Variants in VPS13B observed in about 807,000 individuals in gnomAD.
VPS13B encodes the protein intermembrane lipid transfer protein VPS13B.
VPS13B carries 285 observed loss-of-function variants against 426.4 expected under a neutral mutation model. That is an observed-to-expected ratio of 0.67 (90% CI 0.61 to 0.74). The LOEUF (loss-of-function observed/expected upper bound fraction) is 0.74. Among genes scored for constraint, VPS13B ranks in the 30% least tolerant of loss-of-function variants. The pLI is 0.00. For synonymous variants in VPS13B, 1,676 were observed against 1,676.4 expected (o/e 1.00, Z 0.01); for missense variants, 4,537 against 4,782.6 (o/e 0.95, Z 1.51).
chr8:99,854,381 C>T, intron 56 of VPS13B, 125 bp downstream of exon 56: 2 of 1,076,858 alleles, frequency 1.9e-6, no homozygotes, highest in Non-Finnish European at 2.7e-6. Context: ...CTGAGCTCTA[C>T]AGTTACACAG....
chr8:99,260,472 T>C (rs1563632576), intron 17 of VPS13B, among the ~76,000 whole-genome samples: 1 of 152,096 alleles, frequency 6.6e-6, no homozygotes, highest in Non-Finnish European at 1.5e-5. Context: ...AATAAATAAA[T>C]GGCATGATCT....
intron 17 of VPS13B, among the ~76,000 whole-genome samples, chr8:99,209,169 C>T (rs1397561325): frequency 7.9e-5 from 12 of 151,574 alleles, no homozygotes; most frequent in Admixed American, 7.9e-4. Flanking sequence ...GTCCCAGCTA[C>T]TTGGGAGGCT....
chr8:99,516,832 G>A (rs1469903333), intron 29 of VPS13B, among the ~76,000 whole-genome samples: 1 of 124,622 alleles, frequency 8.0e-6, no homozygotes, highest in Non-Finnish European at 1.7e-5. Context: ...TATGTAAGTT[G>A]TTTTAATAAG....
intron 52 of VPS13B, 60 bp downstream of exon 52, chr8:99,832,712 A>G: frequency 4.5e-6 from 7 of 1,556,762 alleles, no homozygotes; most frequent in African/African-American, 1.4e-5. Context: ...CTGTTCATCT[A>G]GATGCCAAGA....
intron 39 of VPS13B, among the ~76,000 whole-genome samples, chr8:99,730,684 C>T (rs997041298): frequency 4.6e-5 from 7 of 151,400 alleles, no homozygotes; most frequent in Non-Finnish European, 1.0e-4. Flanking sequence ...CCTGTAGGTA[C>T]AGGTACAGGT....
At chr8:99,350,993 G>C (rs993473753) in intron 19 of VPS13B, among the ~76,000 whole-genome samples, 1 of 151,908 alleles carries the variant, frequency 6.6e-6, no homozygotes, top group African/African-American at 2.4e-5. Context: ...AATTATTTCA[G>C]TATTTTTAGA....
At chr8:99,279,127 C>T (rs1160919226) in intron 19 of VPS13B, among the ~76,000 whole-genome samples, 1 of 152,050 alleles carries the variant, frequency 6.6e-6, no homozygotes, top group Non-Finnish European at 1.5e-5. Flanking sequence ...AATCCCAGCA[C>T]TTTGGGAGGG....
At chr8:99,358,005 C>CAT (rs1275169670) in intron 19 of VPS13B, among the ~76,000 whole-genome samples, 1 of 123,402 alleles carries the variant, frequency 8.1e-6, no homozygotes, top group Non-Finnish European at 1.6e-5. Context: ...TTAAATATCA[C>CAT]ACACACACAC....
At chr8:99,472,825 A>T (rs978754295) in intron 24 of VPS13B, among the ~76,000 whole-genome samples, 1 of 152,018 alleles carries the variant, frequency 6.6e-6, no homozygotes, top group African/African-American at 2.4e-5. Flanking sequence ...GCAAACTACT[A>T]ATATCATGAA....
intron 33 of VPS13B, among the ~76,000 whole-genome samples, chr8:99,640,106 GAA>G (rs1273578453): frequency 7.0e-5 from 10 of 142,032 alleles, no homozygotes; most frequent in African/African-American, 1.6e-4. Flanking sequence ...GAAAAGAAAA[GAA>G]AAGAAGAAGA....
At chr8:99,836,251 C>T (rs1214472946) in intron 54 of VPS13B, among the ~76,000 whole-genome samples, 3 of 152,110 alleles carry the variant, frequency 2.0e-5, no homozygotes, top group East Asian at 1.9e-4. Context: ...TTGAAAATGG[C>T]ATAAGAACTT....
chr8:99,234,004 C>T (rs552492499), intron 17 of VPS13B: 3 of 775,376 alleles, frequency 3.9e-6, no homozygotes, highest in African/African-American at 3.4e-5. Flanking sequence ...TCACTATGGT[C>T]AAGCCCTCCT....
rs1283016082 is a variant in VPS13B at position 99,418,507 on chromosome 8, CTTT to C, written c.3083-13029_3083-13027del. Among the ~76,000 whole-genome samples the C allele has an allele frequency of 4.1e-3, 517 of 126,202 alleles. 4 individuals are homozygous for C. The highest frequency in any genetic ancestry group is 6.5e-3 in the Non-Finnish European group (380 of 58,510). 82.8% of individuals were successfully genotyped at this position (126,202 alleles called of 152,430 possible). ...TCTTTCTTTCTTTCTTTCTTTCTTT[CTTT>C]CTTTCCTTTCTTTCTTTCTCTTTCT... On this transcript the variant is annotated intron_variant, in intron 21 of 61. Coordinates refer to ENST00000357162, the MANE Select transcript of VPS13B (RefSeq NM_152564.5).
chr8:99,808,508 C>CAAAAA (rs758638504), intron 43 of VPS13B, among the ~76,000 whole-genome samples: 1 of 64,964 alleles, frequency 1.5e-5, no homozygotes, highest in East Asian at 5.0e-4. Context: ...GAGCGAGACT[C>CAAAAA]AAAAAAAAAA....
chr8:99,336,657 A>T (rs896427525), intron 19 of VPS13B, among the ~76,000 whole-genome samples: 2 of 152,210 alleles, frequency 1.3e-5, no homozygotes, highest in African/African-American at 4.8e-5. Context: ...AACTCAAACA[A>T]ATTTACAAGA....
intron 33 of VPS13B, among the ~76,000 whole-genome samples, chr8:99,606,629 CTTTTTTT>C (rs111334743): frequency 1.8e-3 from 193 of 105,834 alleles, no homozygotes; most frequent in African/African-American, 5.7e-3. Context: ...TTTTTCTTTT[CTTTTTTT>C]TTTTTTTTTT....
intron 51 of VPS13B, among the ~76,000 whole-genome samples, chr8:99,827,252 T>G (rs779554020): frequency 1.2e-4 from 19 of 152,210 alleles, no homozygotes; most frequent in Non-Finnish European, 1.9e-4. Flanking sequence ...TCAGAACTTG[T>G]TTTTGATCTA....
In VPS13B at chr8:99,617,933, G is replaced by A. The variant is rs150411003; in HGVS notation, c.5221-23878G>A. Among the ~76,000 whole-genome samples, 77 of 152,104 alleles carry A rather than the reference G, an allele frequency of 5.1e-4. No homozygotes were observed. The East Asian group carries it at 0.013, about 26-fold the overall frequency. On this transcript the variant is annotated intron_variant, in intron 33 of 61. Coordinates refer to ENST00000357162, the MANE Select transcript of VPS13B (RefSeq NM_152564.5). ...GTTATCAACCTCATACCCAGCCCTT[G>A]CAGCTCACTCATGATCTCTCAGCTG... is the stretch of plus-strand genomic sequence containing the variant.
In VPS13B at chr8:99,156,586, C is replaced by T. The variant is rs367999029; in HGVS notation, c.2051C>T (p.Ser684Phe). 1.1e-5 allele frequency: 18 copies of T among 1,613,958 alleles called. No homozygotes were observed. The African/African-American group carries it at 2.4e-4, about 22-fold the overall frequency. The stretch of plus-strand genomic sequence containing the variant: ...TTCATGAATACTACAAACTTCCAGT[C>T]TCTTCGGCCTTTGCCATCCATTCGA... ...SNFMNTTNFQSLRPLPSIRIL... is the reference protein window; with the variant it reads ...SNFMNTTNFQFLRPLPSIRIL... Residue 684 changes from serine (S) to phenylalanine (F), a missense_variant, in exon 15 of 62, where the codon TCT becomes TTT. Coordinates refer to ENST00000357162, the MANE Select transcript of VPS13B (RefSeq NM_152564.5).
Sources: gnomAD v4.1 joint callset for allele counts (sites outside exome capture counted in the v4.1 genomes callset) on GRCh38, gnomAD v4.1.1 for gene constraint, MANE v1.5 for transcripts, NCBI Gene and HGNC (gene_info 2026-07-23, HGNC 2026-07-21) for gene names.